PACRG: variants seen among roughly 807,000 people sequenced by gnomAD.
The protein encoded by PACRG is parkin coregulated, also known as parkin coregulated gene protein.
A neutral mutation model predicts 29.7 loss-of-function variants in PACRG; 29 were observed. The ratio of observed to expected loss-of-function variants is 0.98; its 90% CI spans 0.73 to 1.33. The LOEUF (loss-of-function observed/expected upper bound fraction) is 1.33, where lower values mean the gene tolerates loss of function less well. PACRG is among the 40% of genes most tolerant of loss of function. PACRG has a pLI of 0.00. For synonymous variants in PACRG, 116 were observed against 118.7 expected, an observed-to-expected ratio of 0.98 and a Z score of 0.15; for missense variants, 279 against 316.2, an observed-to-expected ratio of 0.88 and a Z score of 0.89.
intron 4 of PACRG, among the ~76,000 whole-genome samples, chr6:163,126,744 A>C (rs190172309): frequency 6.6e-6 from 1 of 152,362 alleles, no homozygotes; most frequent in East Asian, 1.9e-4. Context: ...ATAATTATGA[A>C]AGCAAAATGC....
At chr6:163,022,381 G>C (rs950293929) in intron 2 of PACRG, among the ~76,000 whole-genome samples, 1 of 152,214 alleles carries the variant, frequency 6.6e-6, no homozygotes, top group Non-Finnish European at 1.5e-5. Flanking sequence ...CAGTCACACT[G>C]TCTGAAATGT....
intron 4 of PACRG, among the ~76,000 whole-genome samples, chr6:163,181,950 G>C (rs921374487): frequency 3.9e-5 from 6 of 152,162 alleles, no homozygotes; most frequent in African/African-American, 1.4e-4. Flanking sequence ...GTCATTGACC[G>C]TTCTCCCTTT....
intron 1 of PACRG, among the ~76,000 whole-genome samples, chr6:162,791,886 C>T (rs1784978315): frequency 1.3e-5 from 2 of 152,152 alleles, no homozygotes; most frequent in African/African-American, 4.8e-5. Context: ...CGTACATCCT[C>T]TCCTGCAGGA....
chr6:163,234,430 C>T (rs1354218957), intron 4 of PACRG, among the ~76,000 whole-genome samples: 1 of 152,164 alleles, frequency 6.6e-6, no homozygotes, highest in East Asian at 1.9e-4. Flanking sequence ...CACACCAGCT[C>T]CCCTTCGTCT....
At chr6:162,983,315 A>G (rs1802589051) in intron 2 of PACRG, among the ~76,000 whole-genome samples, 1 of 152,014 alleles carries the variant, frequency 6.6e-6, no homozygotes, top group Admixed American at 6.6e-5. Flanking sequence ...CACTGTTAAT[A>G]TTGAGATGTG....
chr6:163,268,244 CAA>C (rs1428368552), intron 4 of PACRG, among the ~76,000 whole-genome samples: 1 of 151,228 alleles, frequency 6.6e-6, no homozygotes. Flanking sequence ...ACTAAAAATA[CAA>C]AAAAAATTAG....
intron 1 of PACRG, among the ~76,000 whole-genome samples, chr6:162,775,313 A>C (rs1273032715): frequency 1.3e-5 from 2 of 152,204 alleles, no homozygotes; most frequent in Non-Finnish European, 2.9e-5. Flanking sequence ...TGACAGCCTA[A>C]ACAGATTAAG....
intron 4 of PACRG, among the ~76,000 whole-genome samples, chr6:163,108,444 G>A (rs1278983301): frequency 2.2e-5 from 3 of 136,628 alleles, no homozygotes; most frequent in African/African-American, 8.3e-5. Context: ...GCCCAGGCTG[G>A]AACGCAGTGG....
At chr6:162,892,191 A>T (rs1324888148) in intron 2 of PACRG, among the ~76,000 whole-genome samples, 3 of 152,142 alleles carry the variant, frequency 2.0e-5, no homozygotes, top group African/African-American at 7.2e-5. Flanking sequence ...CAGTCTGACA[A>T]TGGAACACCT....
At chr6:163,229,422 C>A (rs1159565135) in intron 4 of PACRG, among the ~76,000 whole-genome samples, 1 of 152,224 alleles carries the variant, frequency 6.6e-6, no homozygotes, top group African/African-American at 2.4e-5. Flanking sequence ...CCTTTCAAAG[C>A]ACTGATTCTT....
At chr6:162,988,910 G>A (rs933975110) in intron 2 of PACRG, among the ~76,000 whole-genome samples, 1 of 152,114 alleles carries the variant, frequency 6.6e-6, no homozygotes, top group Non-Finnish European at 1.5e-5. Context: ...TTTTGTGGGG[G>A]CAAATAGGCA....
intron 4 of PACRG, among the ~76,000 whole-genome samples, chr6:163,270,391 T>A (rs13200222): frequency 3.9e-5 from 6 of 151,976 alleles, no homozygotes; most frequent in African/African-American, 1.4e-4. Context: ...TAAATTTCAG[T>A]GATAAGGTCT....
chr6:162,909,120 C>A (rs542040179), intron 2 of PACRG, among the ~76,000 whole-genome samples: 3 of 152,212 alleles, frequency 2.0e-5, no homozygotes, highest in Non-Finnish European at 4.4e-5. Flanking sequence ...CACATGAACT[C>A]TTTGCAATTC....
At chr6:162,949,490 A>T (rs1310650960) in intron 2 of PACRG, among the ~76,000 whole-genome samples, 1 of 152,130 alleles carries the variant, frequency 6.6e-6, no homozygotes, top group African/African-American at 2.4e-5. Flanking sequence ...ATCTCAAAGG[A>T]GCTAGAAGGG....
At chr6:162,972,964 C>T (rs1163949873) in intron 2 of PACRG, among the ~76,000 whole-genome samples, 4 of 152,170 alleles carry the variant, frequency 2.6e-5, no homozygotes, top group East Asian at 3.8e-4. Context: ...GTTTTATCCA[C>T]CATGTCATAC....
rs147684666 is a variant in PACRG at position 163,124,693 on chromosome 6, A to G, written c.613+35285A>G. On this transcript the variant is annotated intron_variant, in intron 4 of 4. Coordinates refer to ENST00000366888, the MANE Select transcript of PACRG (RefSeq NM_001080379.2). ...GGAGCAGTGCCGTAGAGTCAAAGGA[A>G]GGAAGAGGCTGCAGTTCGGCACCAG... Among the ~76,000 whole-genome samples the G allele has an allele frequency of 9.8e-5, 15 of 152,334 alleles. No individual in the cohort carries two copies. In the East Asian group the frequency reaches 2.9e-3, roughly 29 times the overall value.
At chr6:163,171,438 G>T (rs1562948736) in intron 4 of PACRG, among the ~76,000 whole-genome samples, 1 of 152,154 alleles carries the variant, frequency 6.6e-6, no homozygotes, top group Non-Finnish European at 1.5e-5. Flanking sequence ...CCTCCGTGAG[G>T]CAGGTATGAC....
intron 2 of PACRG, among the ~76,000 whole-genome samples, chr6:162,899,402 A>G (rs879601356): frequency 2.0e-5 from 3 of 152,094 alleles, no homozygotes; most frequent in Non-Finnish European, 4.4e-5. Flanking sequence ...TCACCTTTCT[A>G]GGATCTGTGT....
At chr6:163,034,142 A>C (rs1342056578) in intron 2 of PACRG, among the ~76,000 whole-genome samples, 3 of 152,172 alleles carry the variant, frequency 2.0e-5, no homozygotes, top group Non-Finnish European at 4.4e-5. Context: ...GAGGCCAGAG[A>C]AAGACCCACC....
Sources: gnomAD v4.1 joint callset for allele counts (sites outside exome capture counted in the v4.1 genomes callset) on GRCh38, gnomAD v4.1.1 for gene constraint, MANE v1.5 for transcripts, NCBI Gene and HGNC (gene_info 2026-07-23, HGNC 2026-07-21) for gene names.